The following ARID2 variants were observed in gnomAD, a reference collection of about 807,000 sequenced individuals.
ARID2 encodes the protein AT-rich interaction domain 2.
In ARID2, 32 loss-of-function variants were observed where a neutral mutation model predicts 184.6. The ratio of observed to expected loss-of-function variants is 0.17; its 90% CI spans 0.13 to 0.23. The LOEUF (loss-of-function observed/expected upper bound fraction) is 0.23. Among genes scored for constraint, ARID2 ranks in the 10% least tolerant of loss-of-function variants. The pLI is 1.00. For missense variants in ARID2, 1,696 were observed against 2,197.6 expected (o/e 0.77, Z 4.56); for synonymous variants, 836 against 772.6 (o/e 1.08, Z -1.36).
At chr12:45,865,497 AG>A (rs1192061156) in intron 16 of ARID2, among the ~76,000 whole-genome samples, 1 of 151,990 alleles carries the variant, frequency 6.6e-6, no homozygotes, top group Non-Finnish European at 1.5e-5. Flanking sequence ...TCCTAGATGA[AG>A]GGTTTTTTTC....
intron 4 of ARID2, among the ~76,000 whole-genome samples, chr12:45,812,880 T>C (rs1036439093): frequency 6.6e-6 from 1 of 152,222 alleles, no homozygotes; most frequent in African/African-American, 2.4e-5. Context: ...AAACAGACTT[T>C]GGTGTCCGCT....
chr12:45,881,261 G>A (rs1443342089), intron 16 of ARID2: 1 of 156,342 alleles, frequency 6.4e-6, no homozygotes, highest in Non-Finnish European at 1.4e-5. Context: ...GGTTTCAGAA[G>A]CTTCTCTTTT....
intron 4 of ARID2, among the ~76,000 whole-genome samples, chr12:45,813,052 C>T (rs1289294154): frequency 6.6e-6 from 1 of 152,088 alleles, no homozygotes; most frequent in African/African-American, 2.4e-5. Flanking sequence ...ACTGATAGAG[C>T]TACACAGGTT....
At chr12:45,797,076 T>C (rs1942405140) in intron 3 of ARID2, among the ~76,000 whole-genome samples, 1 of 152,194 alleles carries the variant, frequency 6.6e-6, no homozygotes. Flanking sequence ...ATCATGTCAT[T>C]GCTCATTTTA....
rs945200811 is a variant in ARID2, at chr12:45,729,804, C to T, written c.-33C>T. ...CGGGGGGCGCTTTTAAAACACCGAT[C>T]TGGGTTTTTTAAAAACCTCCTTTGA... On this transcript the variant is annotated 5_prime_UTR_variant, in exon 1 of 21. Coordinates refer to ENST00000334344, the MANE Select transcript of ARID2 (RefSeq NM_152641.4). The T allele has an allele frequency of 1.3e-6, 2 of 1,567,870 alleles. No individual in the cohort carries two copies. The highest frequency in any genetic ancestry group is 1.7e-6 in the Non-Finnish European group (2 of 1,153,444).
chr12:45,864,225 GT>G (rs1164649992), intron 16 of ARID2, among the ~76,000 whole-genome samples: 1 of 151,832 alleles, frequency 6.6e-6, no homozygotes, highest in African/African-American at 2.4e-5. Context: ...TTGATGCTTG[GT>G]TTTTTGATCT....
intron 2 of ARID2, 30 bp from the exon 3 acceptor site, chr12:45,731,187 G>T (rs765577498): frequency 1.3e-6 from 2 of 1,492,748 alleles, no homozygotes; most frequent in East Asian, 2.3e-5. Flanking sequence ...GATTGTTCAC[G>T]TTCAGACAAC....
At chr12:45,889,665 G>A (rs1037192564) in intron 16 of ARID2, among the ~76,000 whole-genome samples, 1 of 152,208 alleles carries the variant, frequency 6.6e-6, no homozygotes, top group Non-Finnish European at 1.5e-5. Context: ...GCCAGGCACG[G>A]TGGCTGGCTC....
intron 3 of ARID2, among the ~76,000 whole-genome samples, chr12:45,796,069 A>G (rs1942386822): frequency 6.6e-6 from 1 of 151,832 alleles, no homozygotes; most frequent in African/African-American, 2.4e-5. Flanking sequence ...CTTTTTTTAA[A>G]CCACTTTCTC....
At chr12:45,889,130 C>A (rs986930655) in intron 16 of ARID2, among the ~76,000 whole-genome samples, 1 of 152,088 alleles carries the variant, frequency 6.6e-6, no homozygotes, top group Non-Finnish European at 1.5e-5. Context: ...TGCAGTGAGC[C>A]AAGATTGTGC....
At chr12:45,797,932 AAAAT>A (rs1942420329) in intron 3 of ARID2, among the ~76,000 whole-genome samples, 1 of 152,142 alleles carries the variant, frequency 6.6e-6, no homozygotes, top group Admixed American at 6.5e-5. Context: ...TCTTAAAAAG[AAAAT>A]AAATAATGTA....
At chr12:45,896,714 C>G (rs1213594536) in intron 20 of ARID2, among the ~76,000 whole-genome samples, 1 of 152,126 alleles carries the variant, frequency 6.6e-6, no homozygotes, top group Non-Finnish European at 1.5e-5. Context: ...CACGATTATG[C>G]TAAGGGTGGA....
At chr12:45,741,223 C>T (rs1565578632) in intron 3 of ARID2, among the ~76,000 whole-genome samples, 1 of 152,130 alleles carries the variant, frequency 6.6e-6, no homozygotes, top group Non-Finnish European at 1.5e-5. Context: ...CTGGGTCTCA[C>T]TCTGTCTCAA....
At chr12:45,768,425 A>G (rs1480084536) in intron 3 of ARID2, among the ~76,000 whole-genome samples, 1 of 152,158 alleles carries the variant, frequency 6.6e-6, no homozygotes, top group Non-Finnish European at 1.5e-5. Flanking sequence ...CCAACTCCAC[A>G]AAGTGTTTTT....
At chr12:45,741,946 A>C (rs1941266454) in intron 3 of ARID2, among the ~76,000 whole-genome samples, 1 of 152,224 alleles carries the variant, frequency 6.6e-6, no homozygotes, top group Non-Finnish European at 1.5e-5. Flanking sequence ...TGATACTTCT[A>C]ATTGCACTCC....
At chr12:45,856,556 A>C (rs1451736010) in intron 15 of ARID2, among the ~76,000 whole-genome samples, 1 of 152,146 alleles carries the variant, frequency 6.6e-6, no homozygotes, top group Non-Finnish European at 1.5e-5. Context: ...TTGCACCCTG[A>C]TAAGGGATTT....
chr12:45,742,389 T>C (rs1941278503), intron 3 of ARID2, among the ~76,000 whole-genome samples: 1 of 152,204 alleles, frequency 6.6e-6, no homozygotes, highest in Non-Finnish European at 1.5e-5. Flanking sequence ...GGGCTATGCC[T>C]TATAGCCTAG....
intron 3 of ARID2, among the ~76,000 whole-genome samples, chr12:45,776,703 A>G (rs769964943): frequency 1.3e-5 from 2 of 151,066 alleles, no homozygotes; most frequent in Non-Finnish European, 2.9e-5. Context: ...TAATCCCAGC[A>G]CTTTGGGAGG....
chr12:45,807,842 C>A (rs1942630138), intron 3 of ARID2, among the ~76,000 whole-genome samples: 1 of 152,130 alleles, frequency 6.6e-6, no homozygotes, highest in Non-Finnish European at 1.5e-5. Flanking sequence ...TAATTTATTT[C>A]TTTGTCTACT....
Sources: gnomAD v4.1 joint callset for allele counts (sites outside exome capture counted in the v4.1 genomes callset) on GRCh38, gnomAD v4.1.1 for gene constraint, MANE v1.5 for transcripts, NCBI Gene and HGNC (gene_info 2026-07-23, HGNC 2026-07-21) for gene names.